NAV2: variants seen among roughly 807,000 people sequenced by gnomAD.
NAV2 encodes helicase, APC down-regulated 1.
NAV2 carries 54 observed loss-of-function variants against 223.2 expected under a neutral mutation model. The ratio of observed to expected loss-of-function variants is 0.24; its 90% CI spans 0.19 to 0.30. NAV2 has a LOEUF of 0.30. Among genes scored for constraint, NAV2 ranks in the 10% least tolerant of loss-of-function variants. NAV2 has a pLI of 1.00. For synonymous variants in NAV2, 1,279 were observed against 1,239.3 expected, an observed-to-expected ratio of 1.03 and a Z score of -0.67; for missense variants, 2,806 against 3,147.5, an observed-to-expected ratio of 0.89 and a Z score of 2.60.
At chr11:19,636,521 C>A (rs940313663) in intron 1 of NAV2, among the ~76,000 whole-genome samples, 3 of 147,736 alleles carry the variant, frequency 2.0e-5, no homozygotes, top group Non-Finnish European at 3.0e-5. Flanking sequence ...GACGGAGTCT[C>A]GCTCTGTCGC....
intron 1 of NAV2, among the ~76,000 whole-genome samples, chr11:19,598,074 C>T (rs1393181619): frequency 6.6e-6 from 1 of 152,236 alleles, no homozygotes; most frequent in African/African-American, 2.4e-5. Context: ...CAGCCACTGA[C>T]CAGCTCAGAG....
Position 19,582,375 on chromosome 11 carries a change from T to C in NAV2, c.75+231348T>C, listed in dbSNP as rs559927946. 7.2e-5 allele frequency among the ~76,000 whole-genome samples: 11 copies of C among 152,326 alleles called. 1 individual carries two copies. The South Asian group carries it at 1.7e-3, about 23-fold the overall frequency. ...GCAGAAGCTCTTTAGTTTAATTAGA[T>C]CCCATTTGTCAATTTTGTCTTTTGT... On this transcript the variant is annotated intron_variant, in intron 1 of 37. Coordinates refer to the NAV2 transcript ENST00000360655.
intron 1 of NAV2, among the ~76,000 whole-genome samples, chr11:19,583,067 T>TTC: frequency 6.6e-6 from 1 of 152,382 alleles, no homozygotes; most frequent in East Asian, 1.9e-4. Context: ...CAGTGGTTTG[T>TTC]AGTTCTCCTT....
At position 19,585,006 on chromosome 11, in the gene NAV2, G is replaced by A. The variant is rs58203641; in HGVS notation, c.75+233979G>A. Among the ~76,000 whole-genome samples the A allele has an allele frequency of 9.8e-3, 1,486 of 152,254 alleles. 14 individuals carry two copies. Among genetic ancestry groups the A allele is most frequent in the South Asian group, 0.039 (190 of 4,816 alleles). ...TTAAAGTCTCCCATTATTATTGTGT[G>A]GGAGTCTAAGTCTCTTTGTAGGTCT... On this transcript the variant is annotated intron_variant, in intron 1 of 37. Transcript: ENST00000360655.
At chr11:19,880,246 TGGTGGTTAGTG>T (rs1212475495) in intron 5 of NAV2, 119 bp downstream of exon 5, 52 of 1,345,714 alleles carry the variant, frequency 3.9e-5, no homozygotes, top group Non-Finnish European at 5.1e-5. Context: ...TGAGAGCTAC[TGGTGGTTAGTG>T]GGAAATTAGC....
chr11:19,948,956 G>A lies in NAV2; in HGVS notation c.2521G>A (p.Val841Met), dbSNP rs531144646. ...CTCCCGGGGCAGTAGTGTCTGCCAT[G>A]TGGACGTCTCAGACAAGGCAGGAGA... Reference protein sequence around the residue: ...LASRGSSVCHVDVSDKAGDEM... With the variant: ...LASRGSSVCHMDVSDKAGDEM... The change falls in exon 10 of 38, where the codon GTG (valine) becomes ATG (methionine). Residue 841 changes from valine (V) to methionine (M), a missense_variant. Coordinates refer to ENST00000349880, the MANE Select transcript of NAV2 (RefSeq NM_145117.5). 27 of 1,613,978 alleles carry A rather than the reference G, an allele frequency of 1.7e-5. No homozygotes were observed. The highest frequency in any genetic ancestry group is 3.3e-5 in the South Asian group (3 of 91,074).
chr11:19,857,790 A>T (rs563856223), intron 3 of NAV2, among the ~76,000 whole-genome samples: 270 of 152,334 alleles, frequency 1.8e-3, no homozygotes, highest in African/African-American at 6.2e-3. Context: ...TGATTTCCAT[A>T]ATCAAAGTAA....
intron 1 of NAV2, among the ~76,000 whole-genome samples, chr11:19,449,706 C>T (rs1851721301): frequency 6.6e-6 from 1 of 152,092 alleles, no homozygotes; most frequent in African/African-American, 2.4e-5. Context: ...CCTCCCTCAC[C>T]AGGTTGTGTG....
intron 8 of NAV2, among the ~76,000 whole-genome samples, chr11:19,940,786 G>A (rs539039351): frequency 7.9e-5 from 12 of 152,244 alleles, no homozygotes; most frequent in Non-Finnish European, 1.6e-4. Flanking sequence ...GCACGGTGAT[G>A]GTGCAGAGAT....
intron 1 of NAV2, among the ~76,000 whole-genome samples, chr11:19,487,747 C>T (rs1197478461): frequency 6.6e-6 from 1 of 152,168 alleles, no homozygotes; most frequent in East Asian, 1.9e-4. Flanking sequence ...TCCCATTAAA[C>T]TTTGACAGGG....
In NAV2 at chr11:20,096,244, C is replaced by T. The variant is rs118071698; in HGVS notation, c.6012+477C>T. Among the ~76,000 whole-genome samples, 1,496 of 152,078 alleles carry T rather than the reference C, an allele frequency of 9.8e-3. 17 individuals carry two copies. The highest frequency in any genetic ancestry group is 0.017 in the Admixed American group (266 of 15,212). The stretch of plus-strand genomic sequence containing the variant: ...TTTACGAGTGACATTAATGTCTGAT[C>T]GATGGCCAGGCTCAAGGATGTTGCC... On this transcript the variant is annotated intron_variant, in intron 30 of 37. Coordinates refer to ENST00000349880, the MANE Select transcript of NAV2 (RefSeq NM_145117.5).
intron 1 of NAV2, among the ~76,000 whole-genome samples, chr11:19,765,100 G>C (rs1201919861): frequency 6.6e-6 from 1 of 152,102 alleles, no homozygotes; most frequent in Non-Finnish European, 1.5e-5. Context: ...CCAGTGTATA[G>C]GCATTAACAG....
At chr11:19,757,997 G>A (rs1489709115) in intron 1 of NAV2, among the ~76,000 whole-genome samples, 1 of 151,988 alleles carries the variant, frequency 6.6e-6, no homozygotes, top group Non-Finnish European at 1.5e-5. Flanking sequence ...CCTGGTCTTC[G>A]ACAAACCCCA....
At chr11:19,347,458 A>C (rs1853070059), upstream of NAV2, among the ~76,000 whole-genome samples, 1 of 152,058 alleles carries the variant, frequency 6.6e-6, no homozygotes, top group South Asian at 2.1e-4. Flanking sequence ...AGGAAGAAGG[A>C]TTTGGGCAGA....
chr11:19,741,719 A>C (rs1479041917), intron 1 of NAV2, among the ~76,000 whole-genome samples: 3 of 111,540 alleles, frequency 2.7e-5, no homozygotes, highest in Non-Finnish European at 5.6e-5. Context: ...ATATATATAT[A>C]TATATATATC....
At chr11:20,052,204 A>G (rs1414756246) in intron 17 of NAV2, among the ~76,000 whole-genome samples, 1 of 152,258 alleles carries the variant, frequency 6.6e-6, no homozygotes, top group Non-Finnish European at 1.5e-5. Flanking sequence ...GAAATGTTTC[A>G]TTGCTGTCAT....
At chr11:20,080,329 G>A (rs574224864) in intron 25 of NAV2, 120 bp downstream of exon 25, 21 of 895,538 alleles carry the variant, frequency 2.3e-5, no homozygotes, top group African/African-American at 1.0e-4. Context: ...CACTTTGGGC[G>A]TAGATCCCAG....
chr11:19,798,699 C>T (rs979759233), intron 1 of NAV2, among the ~76,000 whole-genome samples: 5 of 152,308 alleles, frequency 3.3e-5, no homozygotes, highest in African/African-American at 1.2e-4. Context: ...TGGGTTATCT[C>T]ATAGCTGCCT....
intron 36 of NAV2, among the ~76,000 whole-genome samples, chr11:20,108,260 GT>G (rs1421418864): frequency 6.6e-6 from 1 of 152,100 alleles, no homozygotes; most frequent in Non-Finnish European, 1.5e-5. Context: ...TGTGCTTAAG[GT>G]TATAAAAGGG....
Sources: gnomAD v4.1 joint callset for allele counts (sites outside exome capture counted in the v4.1 genomes callset) on GRCh38, gnomAD v4.1.1 for gene constraint, MANE v1.5 for transcripts, NCBI Gene and HGNC (gene_info 2026-07-23, HGNC 2026-07-21) for gene names.